Variants in TEP1 observed in about 807,000 individuals in gnomAD.
TEP1 encodes telomerase associated protein 1.
Under a neutral mutation model 306.3 loss-of-function variants are expected in TEP1, and 241 were observed. The ratio of observed to expected loss-of-function variants is 0.79; its 90% CI spans 0.71 to 0.88. TEP1 has a LOEUF of 0.88. Among genes scored for constraint, TEP1 ranks in the 40% least tolerant of loss-of-function variants. The probability of loss-of-function intolerance (pLI) is 0.00; values close to 1 mark genes in which losing one functional copy is unlikely to be tolerated. For missense variants in TEP1, 3,051 were observed against 3,276.1 expected (o/e 0.93, Z 1.68); for synonymous variants, 1,289 against 1,305.5 (o/e 0.99, Z 0.27).
At chr14:20,373,213 C>T (rs933386429) in intron 47 of TEP1, 57 bp downstream of exon 47, 5 of 1,612,720 alleles carry the variant, frequency 3.1e-6, no homozygotes, top group Non-Finnish European at 4.2e-6. Flanking sequence ...TATCAGGCCA[C>T]CCTTGACCTT....
rs768627842 is a variant in TEP1, at chr14:20,395,506, C to A, written c.1872G>T (p.Arg624Ser). The A allele has an allele frequency of 6.2e-7, 1 of 1,613,620 alleles. No homozygotes were observed. The highest frequency in any genetic ancestry group is 1.1e-5 in the South Asian group (1 of 91,062). The change falls in exon 12 of 55, where the codon AGG (arginine) becomes AGT (serine). Residue 624 changes from arginine to serine, a missense_variant. Arg to Ser is a moderately radical substitution (Grantham distance 110, BLOSUM62 -1). Around this residue, in one of 3 missense-constraint regions of TEP1, gnomAD observed 1,507 missense variants for 1,550.5 expected, o/e 0.97. Coordinates refer to ENST00000262715, the MANE Select transcript of TEP1 (RefSeq NM_007110.5). ...LSRQQLRMAM[R>S]IPVLYEQLKR... is the part of the protein sequence containing the mutation. The stretch of plus-strand genomic sequence containing the variant: ...TGAGCTGCTCATACAACACAGGTAT[C>A]CTCATTGCCATCCGAAGCTGCTGAC...
In TEP1 at chr14:20,401,112, C is replaced by T. The variant is rs75883250; in HGVS notation, c.1421G>A (p.Arg474Gln). The stretch of plus-strand genomic sequence containing the variant: ...ATCCCAAGGCCCAGGAAGGCGACTT[C>T]GAGAAAAGAGCTGTAGGTTGGAGGG... ...RYPSNLQLFSRSRLPGPWDSS... is the reference protein window; with the variant it reads ...RYPSNLQLFSQSRLPGPWDSS... The change falls in exon 9 of 55, where the codon CGA becomes CAA. Residue 474 changes from arginine to glutamine, a missense_variant. This residue lies in a region of TEP1 where 1,507 missense variants were observed against 1,550.5 expected (regional missense o/e 0.97). Coordinates refer to ENST00000262715, the MANE Select transcript of TEP1 (RefSeq NM_007110.5). 4.6e-5 allele frequency: 75 copies of T among 1,614,004 alleles called. No individual in the cohort carries two copies. In the Middle Eastern group the frequency reaches 6.6e-4, roughly 14 times the overall value.
chr14:20,399,268 C>A (rs1466870390), intron 9 of TEP1, among the ~76,000 whole-genome samples: 1 of 152,152 alleles, frequency 6.6e-6, no homozygotes, highest in African/African-American at 2.4e-5. Flanking sequence ...CTATTGCATC[C>A]ATTGTCGACT....
intron 2 of TEP1, among the ~76,000 whole-genome samples, chr14:20,407,226 T>C (rs1879244956): frequency 6.6e-6 from 1 of 152,220 alleles, no homozygotes; most frequent in Non-Finnish European, 1.5e-5. Context: ...GATAGGGCTG[T>C]TGGAAAATTA....
intron 2 of TEP1, among the ~76,000 whole-genome samples, chr14:20,406,703 T>C (rs1455574724): frequency 6.6e-6 from 1 of 152,186 alleles, no homozygotes; most frequent in African/African-American, 2.4e-5. Context: ...CCTTTTAGGA[T>C]ATTAGTAAGA....
At chr14:20,396,038 G>T in intron 10 of TEP1, 89 bp from the exon 11 acceptor site, 1 of 860,360 alleles carries the variant, frequency 1.2e-6, no homozygotes, top group Non-Finnish European at 1.8e-6. Flanking sequence ...TTGTGGGAAG[G>T]TACAGAAGGA....
rs1713455 is a variant in TEP1, at chr14:20,381,855, G to C, written c.4424+58C>G. 2.5e-6 allele frequency: 4 copies of C among 1,595,616 alleles called. No homozygotes were observed. In the South Asian group the frequency reaches 4.5e-5, roughly 18 times the overall value. The stretch of plus-strand genomic sequence containing the variant: ...TTGTTGAAGCTATACAGAGGGCCCC[G>C]GCTCAAAGAAGGGAAGGCACAGAGA... On this transcript the variant is annotated intron_variant, in intron 30 of 54. Coordinates refer to ENST00000262715, the MANE Select transcript of TEP1 (RefSeq NM_007110.5). This position sits in a 1 kb window ranked among gnomAD's most constrained non-coding sequence, Gnocchi z 4.0.
chr14:20,407,313 T>C (rs544761724), intron 2 of TEP1, among the ~76,000 whole-genome samples: 1 of 152,238 alleles, frequency 6.6e-6, no homozygotes, highest in Non-Finnish European at 1.5e-5. Flanking sequence ...CTGGCTCACC[T>C]GAACAGAGGC....
chr14:20,393,950 A>C (rs1356237384), intron 12 of TEP1, among the ~76,000 whole-genome samples: 1 of 151,232 alleles, frequency 6.6e-6, no homozygotes. Flanking sequence ...AGCTGGGTGC[A>C]GTGGTGTGTG....
chr14:20,389,876 G>T, intron 15 of TEP1, 136 bp from the exon 16 acceptor site: 2 of 1,176,410 alleles, frequency 1.7e-6, no homozygotes, highest in Non-Finnish European at 1.2e-6. Flanking sequence ...CATAGAATGA[G>T]GGAAGCCACT....
At chr14:20,412,664 C>T (rs1312659623) in intron 1 of TEP1, among the ~76,000 whole-genome samples, 1 of 151,032 alleles carries the variant, frequency 6.6e-6, no homozygotes, top group African/African-American at 2.4e-5. Context: ...CACATTAATA[C>T]CCACCTCACT....
intron 9 of TEP1, among the ~76,000 whole-genome samples, chr14:20,398,785 C>T (rs1207576422): frequency 6.6e-6 from 1 of 152,218 alleles, no homozygotes; most frequent in African/African-American, 2.4e-5. Context: ...CCAGCCCACA[C>T]CATCAGCAGC....
At chr14:20,391,166 G>A in intron 13 of TEP1, 70 bp from the exon 14 acceptor site, 1 of 1,533,592 alleles carries the variant, frequency 6.5e-7, no homozygotes, top group East Asian at 2.3e-5. Context: ...AGCCAGCCCT[G>A]GAGGCCAAAC....
chr14:20,370,296 T>C (rs1036540664), intron 51 of TEP1, among the ~76,000 whole-genome samples: 3 of 152,230 alleles, frequency 2.0e-5, no homozygotes, highest in Non-Finnish European at 4.4e-5. Context: ...GATCAAGATG[T>C]AGAGCATTTC....
At position 20,377,488 on chromosome 14, in the gene TEP1, G is replaced by A; in HGVS notation, c.5880C>T (p.Ser1960=). The part of the protein sequence containing the change: ...GIRIYKISSG[S]QGAQGQALDV... ...CCAGTGCCTGACCCTGAGCCCCCTGGGAACCTAGAGAATGAGAGAGAACAA... is the reference window on the plus strand; with the variant it reads ...CCAGTGCCTGACCCTGAGCCCCCTGAGAACCTAGAGAATGAGAGAGAACAA... The change falls in exon 41 of 55, where the codon TCC becomes TCT. Residue 1960 remains serine, a synonymous_variant. Coordinates refer to ENST00000262715, the MANE Select transcript of TEP1 (RefSeq NM_007110.5). 1.2e-6 allele frequency: 2 copies of A among 1,613,754 alleles called. No individual in the cohort carries two copies. Among genetic ancestry groups the A allele is most frequent in the Non-Finnish European group, 1.7e-6 (2 of 1,179,758 alleles).
intron 17 of TEP1, among the ~76,000 whole-genome samples, 180 bp from the exon 18 acceptor site, chr14:20,388,243 A>G: frequency 6.6e-6 from 1 of 152,242 alleles, no homozygotes; most frequent in East Asian, 1.9e-4. Context: ...ATGCAGAACC[A>G]CAGGAATGAA....
intron 7 of TEP1, 96 bp from the exon 8 acceptor site, chr14:20,401,677 T>C (rs1878769123): frequency 1.3e-6 from 2 of 1,515,836 alleles, no homozygotes; most frequent in Admixed American, 2.1e-5. Flanking sequence ...CCGATCCCTA[T>C]GTGGTAATTT....
intron 44 of TEP1, among the ~76,000 whole-genome samples, chr14:20,374,044 G>A (rs1274908573): frequency 6.6e-6 from 1 of 151,534 alleles, no homozygotes; most frequent in East Asian, 1.9e-4. Context: ...CCAACCCTTA[G>A]CCTCAACACC....
In TEP1 at chr14:20,377,653, C is replaced by T. The variant is rs764392080; in HGVS notation, c.5822G>A (p.Arg1941Gln). 13 of 1,614,012 alleles carry T rather than the reference C, an allele frequency of 8.1e-6. No homozygotes were observed. In the East Asian group the frequency reaches 1.3e-4, roughly 17 times the overall value. ...ATCCGCTCGATATCCAACAGCCACC[C>T]GATCACCATCTGGGCTGAGTGCCAC... is the stretch of plus-strand genomic sequence containing the variant. ...LSVALSPDGD[R>Q]VAVGYRADGI... The change falls in exon 40 of 55, where the codon CGG (arginine) becomes CAG (glutamine). Residue 1941 changes from arginine (R) to glutamine (Q), a missense_variant. This residue lies in a region of TEP1 where 1,540 missense variants were observed against 1,705.9 expected (regional missense o/e 0.90). Coordinates refer to ENST00000262715, the MANE Select transcript of TEP1 (RefSeq NM_007110.5).
Sources: allele counts gnomAD v4.1 joint callset (sites outside exome capture counted in the v4.1 genomes callset), GRCh38; gene constraint gnomAD v4.1.1; regional missense constraint gnomAD v4.1.1; non-coding constraint Gnocchi (gnomAD v3.1); transcripts MANE v1.5; gene names NCBI Gene and HGNC (gene_info 2026-07-23, HGNC 2026-07-21).